Variants in CSMD1 observed in about 807,000 individuals in gnomAD.
The protein encoded by CSMD1 is CUB and Sushi multiple domains 1, also known as CUB and sushi domain-containing protein 1.
A neutral mutation model predicts 417.5 loss-of-function variants in CSMD1; 213 were observed. The observed-to-expected ratio is 0.51, with a 90% CI of 0.46 to 0.57. The LOEUF (loss-of-function observed/expected upper bound fraction) is 0.57, where lower values mean the gene tolerates loss of function less well. CSMD1 is among the 20% of genes least tolerant of loss of function. The pLI is 0.00. For synonymous variants in CSMD1, 2,862 were observed against 1,736.8 expected (o/e 1.65, Z -16.11); for missense variants, 6,923 against 4,529.7 (o/e 1.53, Z -15.17).
chr8:4,854,659 A>G (rs1025193184), intron 1 of CSMD1, among the ~76,000 whole-genome samples: 6 of 152,130 alleles, frequency 3.9e-5, no homozygotes, highest in Admixed American at 6.5e-5. Flanking sequence ...GACGGACAGC[A>G]CCTGGAAAAT....
chr8:4,411,688 C>G (rs1327969320), intron 3 of CSMD1, among the ~76,000 whole-genome samples: 3 of 152,160 alleles, frequency 2.0e-5, no homozygotes, highest in East Asian at 1.9e-4. Context: ...CTACACGTTT[C>G]TGAATGCTCA....
Position 4,098,538 on chromosome 8 carries a change from T to C in CSMD1, c.416-66439A>G, listed in dbSNP as rs1323616531. 3.3e-5 allele frequency among the ~76,000 whole-genome samples: 5 copies of C among 152,106 alleles called. No homozygotes were observed. The East Asian group carries it at 9.7e-4, about 29-fold the overall frequency. On this transcript the variant is annotated intron_variant, in intron 3 of 69. Coordinates refer to ENST00000635120, the MANE Select transcript of CSMD1 (RefSeq NM_033225.6). ...AGCTGCGAAGTCAACCACAGAGAGC[T>C]GAGAAAGTGGATTCAGTCAGTGGAT... is the stretch of plus-strand genomic sequence containing the variant.
At chr8:3,133,650 G>C (rs1183508369) in intron 41 of CSMD1, among the ~76,000 whole-genome samples, 1 of 152,152 alleles carries the variant, frequency 6.6e-6, no homozygotes, top group Non-Finnish European at 1.5e-5. Context: ...GCTCTGGGAA[G>C]GGGAGGGGTG....
chr8:4,452,964 G>C (rs1038140130), intron 2 of CSMD1, among the ~76,000 whole-genome samples: 3 of 152,124 alleles, frequency 2.0e-5, no homozygotes, highest in East Asian at 1.9e-4. Context: ...TTCAATTTAA[G>C]CTTTTGTTTC....
chr8:3,921,755 A>G (rs914698447), intron 5 of CSMD1, among the ~76,000 whole-genome samples: 6 of 152,180 alleles, frequency 3.9e-5, no homozygotes, highest in African/African-American at 1.2e-4. Flanking sequence ...GTTACCAAAT[A>G]TGAGTGCAAT....
At chr8:4,711,183 T>C (rs1808272017) in intron 1 of CSMD1, among the ~76,000 whole-genome samples, 1 of 152,022 alleles carries the variant, frequency 6.6e-6, no homozygotes. Flanking sequence ...ATGATCCTTT[T>C]ATTACTCATA....
At chr8:3,495,699 C>T (rs76824227) in intron 10 of CSMD1, among the ~76,000 whole-genome samples, 16,720 of 152,082 alleles carry the variant, frequency 0.11, 1,040 homozygotes, top group East Asian at 0.29. Context: ...ACCACATATA[C>T]CATCCTTTCA....
intron 10 of CSMD1, among the ~76,000 whole-genome samples, chr8:3,565,131 C>CAAA (rs869248314): frequency 0.046 from 483 of 10,460 alleles, 84 homozygotes; most frequent in Middle Eastern, 0.12. Context: ...TGCAAGACAG[C>CAAA]AAAAAAAAAA....
chr8:4,256,838 A>T (rs1803491851), intron 3 of CSMD1, among the ~76,000 whole-genome samples: 1 of 152,180 alleles, frequency 6.6e-6, no homozygotes, highest in South Asian at 2.1e-4. Flanking sequence ...AAGAACAGCT[A>T]TCCCTCCAAG....
rs533946154 is a variant in CSMD1 at position 4,369,746 on chromosome 8, G to A, written c.415+50207C>T. On this transcript the variant is annotated intron_variant, in intron 3 of 69. Transcript: ENST00000635120. ...TTTAAAGATCGTTTTCTCTAATATA[G>A]AATTAGCTACTCCTGTTTGTTCATT... Among the ~76,000 whole-genome samples the A allele has an allele frequency of 8.5e-5, 13 of 152,088 alleles. No individual in the cohort carries two copies. The South Asian group carries it at 2.7e-3, about 32-fold the overall frequency.
At chr8:4,549,252 G>A (rs888993136) in intron 2 of CSMD1, among the ~76,000 whole-genome samples, 9 of 152,116 alleles carry the variant, frequency 5.9e-5, no homozygotes, top group African/African-American at 1.9e-4. Flanking sequence ...ATTCCAGAAT[G>A]CCAAAGAAAT....
At chr8:4,926,228 A>AT (rs1428071386) in intron 1 of CSMD1, among the ~76,000 whole-genome samples, 2 of 152,176 alleles carry the variant, frequency 1.3e-5, no homozygotes, top group African/African-American at 2.4e-5. Context: ...TATTACATTT[A>AT]TTTTTTCTTG....
At chr8:4,509,704 G>C (rs181763656) in intron 2 of CSMD1, among the ~76,000 whole-genome samples, 1 of 152,112 alleles carries the variant, frequency 6.6e-6, no homozygotes, top group Non-Finnish European at 1.5e-5. Flanking sequence ...AGACACTTTT[G>C]ACACTTATTA....
At chr8:4,140,214 T>A (rs141057790) in intron 3 of CSMD1, among the ~76,000 whole-genome samples, 2 of 102,976 alleles carry the variant, frequency 1.9e-5, no homozygotes, top group Non-Finnish European at 4.9e-5. Flanking sequence ...TAAACAAAAA[T>A]TCATCTGGAT....
rs1455505388 is a variant in CSMD1 at position 4,003,439 on chromosome 8, T to TAAAC, written c.611-5330_611-5329insGTTT. Among the ~76,000 whole-genome samples the TAAAC allele has an allele frequency of 2.3e-3, 349 of 150,870 alleles. 2 individuals carry two copies. Among genetic ancestry groups the TAAAC allele is most frequent in the Admixed American group, 9.7e-3 (147 of 15,114 alleles). On this transcript the variant is annotated intron_variant, in intron 4 of 69. Transcript: ENST00000635120. ...ACAAACAAATAAATAAATAAATAAA[T>TAAAC]AGATAAGTAAATAACAAGACACAAA...
chr8:4,260,781 T>G (rs546510351), intron 3 of CSMD1, among the ~76,000 whole-genome samples: 1 of 152,336 alleles, frequency 6.6e-6, no homozygotes, highest in East Asian at 1.9e-4. Context: ...GACATACAAC[T>G]TGAGCACTGT....
At chr8:4,545,739 A>T (rs146789902) in intron 2 of CSMD1, among the ~76,000 whole-genome samples, 172 of 152,284 alleles carry the variant, frequency 1.1e-3, no homozygotes, top group African/African-American at 3.7e-3. Flanking sequence ...TCACTTTCAC[A>T]GGCATCCATG....
chr8:4,364,381 T>C (rs562829148), intron 3 of CSMD1, among the ~76,000 whole-genome samples: 2 of 152,222 alleles, frequency 1.3e-5, no homozygotes, highest in African/African-American at 4.8e-5. Flanking sequence ...CTTCAGTTCC[T>C]GTTTACTGTT....
intron 3 of CSMD1, among the ~76,000 whole-genome samples, chr8:4,247,781 T>TC (rs1802802673): frequency 1.3e-5 from 2 of 152,134 alleles, no homozygotes; most frequent in African/African-American, 4.8e-5. Context: ...AAATAGAATC[T>TC]GAAAAAAGTA....
Sources: gnomAD v4.1 joint callset for allele counts (sites outside exome capture counted in the v4.1 genomes callset) on GRCh38, gnomAD v4.1.1 for gene constraint, MANE v1.5 for transcripts, NCBI Gene and HGNC (gene_info 2026-07-23, HGNC 2026-07-21) for gene names.